DPYD: variants seen among roughly 807,000 people sequenced by gnomAD.
DPYD encodes the protein dihydropyrimidine dehydrogenase, also known as dihydropyrimidine dehydrogenase [NADP(+)].
In DPYD, 109 loss-of-function variants were observed where a neutral mutation model predicts 116.2. That is an observed-to-expected ratio of 0.94 (90% CI 0.80 to 1.10). The LOEUF (loss-of-function observed/expected upper bound fraction) is 1.10, where lower values mean the gene tolerates loss of function less well. DPYD is among the 50% of genes least tolerant of loss of function. DPYD has a pLI of 0.00. For synonymous variants in DPYD, 440 were observed against 432.0 expected, an observed-to-expected ratio of 1.02 and a Z score of -0.23; for missense variants, 1,302 against 1,254.5, an observed-to-expected ratio of 1.04 and a Z score of -0.57.
At chr1:97,449,949 C>A (rs1346102235) in intron 14 of DPYD, 110 bp downstream of exon 14, 8 of 1,410,382 alleles carry the variant, frequency 5.7e-6, no homozygotes, top group South Asian at 1.2e-5. Context: ...CTGGCAGATT[C>A]TTTAATAAAA....
At chr1:97,304,190 T>A (rs565556233) in intron 18 of DPYD, among the ~76,000 whole-genome samples, 1 of 151,938 alleles carries the variant, frequency 6.6e-6, no homozygotes, top group Admixed American at 6.6e-5. Flanking sequence ...ACAGAAAACA[T>A]AGTGCATGTT....
intron 20 of DPYD, among the ~76,000 whole-genome samples, chr1:97,174,396 G>A (rs1657102656): frequency 6.6e-6 from 1 of 152,198 alleles, no homozygotes; most frequent in African/African-American, 2.4e-5. Flanking sequence ...TCCTCAAGGA[G>A]CAGATGTGCC....
intron 20 of DPYD, among the ~76,000 whole-genome samples, chr1:97,145,351 C>A (rs573644217): frequency 4.6e-5 from 7 of 152,118 alleles, no homozygotes; most frequent in East Asian, 3.9e-4. Flanking sequence ...ACTCACTTAG[C>A]CTCATTAAGC....
intron 16 of DPYD, among the ~76,000 whole-genome samples, chr1:97,341,541 A>T (rs1259711989): frequency 6.6e-6 from 1 of 152,150 alleles, no homozygotes; most frequent in Non-Finnish European, 1.5e-5. Flanking sequence ...ACCATTAAAG[A>T]GGAACATTTT....
At position 97,721,386 on chromosome 1, in the gene DPYD, T is replaced by C. The variant is rs1662914234; in HGVS notation, c.483+124A>G. ...AAAATAAAGTTTGTTGTACAAAACA[T>C]ACTTGAGCTGTGTGTCACACTAAAA... On this transcript the variant is annotated intron_variant, in intron 5 of 22. Transcript: ENST00000370192. The C allele has an allele frequency of 8.5e-6, 10 of 1,182,490 alleles. No individual in the cohort carries two copies. In the South Asian group the frequency reaches 1.3e-4, roughly 15 times the overall value. 73.2% of individuals were successfully genotyped at this position (1,182,490 alleles called of 1,614,324 possible). A position where few individuals can be genotyped will look rare whatever the true frequency, so the allele number is the denominator to read the frequency against.
At chr1:97,128,413 A>G (rs995652131) in intron 20 of DPYD, among the ~76,000 whole-genome samples, 2 of 152,202 alleles carry the variant, frequency 1.3e-5, no homozygotes, top group African/African-American at 2.4e-5. Flanking sequence ...TTATACAAAC[A>G]AACAAGCTGA....
Position 97,756,999 on chromosome 1 carries a change from TA to T in DPYD, c.234-16521del, listed in dbSNP as rs1208864017. Reference sequence around the variant, plus strand: ...ACTACCCCCCACTCCTCCTAAATGTTATTTTTTTCTTATTCATATCCCCATA... The same window carrying T: ...ACTACCCCCCACTCCTCCTAAATGTTTTTTTTTCTTATTCATATCCCCATA... On this transcript the variant is annotated intron_variant, in intron 3 of 22. Transcript: ENST00000370192. 2.0e-5 allele frequency among the ~76,000 whole-genome samples: 3 copies of T among 152,132 alleles called. 1 individual carries two copies. The highest frequency in any genetic ancestry group is 7.2e-5 in the African/African-American group (3 of 41,438).
At chr1:97,425,529 C>T (rs1674816345) in intron 14 of DPYD, among the ~76,000 whole-genome samples, 1 of 152,032 alleles carries the variant, frequency 6.6e-6, no homozygotes, top group African/African-American at 2.4e-5. Flanking sequence ...TGTTAGTCTC[C>T]TTTACTGACC....
chr1:97,316,175 A>G (rs2101076653), intron 16 of DPYD, among the ~76,000 whole-genome samples: 1 of 151,996 alleles, frequency 6.6e-6, no homozygotes. Context: ...TACAGATGCA[A>G]TCAATGACAA....
intron 11 of DPYD, among the ~76,000 whole-genome samples, chr1:97,559,853 TG>T (rs1161830708): frequency 1.3e-5 from 2 of 152,198 alleles, no homozygotes; most frequent in Non-Finnish European, 2.9e-5. Context: ...ACTATAATAA[TG>T]GAAAACATTT....
At chr1:97,535,408 C>T (rs1271173116) in intron 12 of DPYD, among the ~76,000 whole-genome samples, 3 of 152,152 alleles carry the variant, frequency 2.0e-5, no homozygotes, top group Non-Finnish European at 4.4e-5. Flanking sequence ...CACTTCTACT[C>T]TATTTGGACC....
chr1:97,908,242 T>C (rs1240628709), intron 1 of DPYD, among the ~76,000 whole-genome samples: 7 of 151,946 alleles, frequency 4.6e-5, no homozygotes, highest in African/African-American at 1.7e-4. Flanking sequence ...GATGGGGTTT[T>C]GCCCTATTGC....
At chr1:97,543,800 G>A (rs56680001) in intron 12 of DPYD, among the ~76,000 whole-genome samples, 2 of 151,998 alleles carry the variant, frequency 1.3e-5, no homozygotes, top group Non-Finnish European at 2.9e-5. Context: ...TTATTTTGAG[G>A]GTACAGCAAT....
chr1:97,175,529 C>T (rs1197616406), intron 20 of DPYD, among the ~76,000 whole-genome samples: 2 of 152,200 alleles, frequency 1.3e-5, no homozygotes, highest in Admixed American at 6.5e-5. Flanking sequence ...TCACTATCAA[C>T]ATAGTATCAC....
chr1:97,325,835 A>G (rs757619732), intron 16 of DPYD, among the ~76,000 whole-genome samples: 12 of 151,920 alleles, frequency 7.9e-5, no homozygotes, highest in Non-Finnish European at 1.6e-4. Context: ...ATGGTATCAT[A>G]TGAAATGGGA....
intron 8 of DPYD, among the ~76,000 whole-genome samples, chr1:97,634,763 G>A (rs1003513098): frequency 6.6e-6 from 1 of 151,904 alleles, no homozygotes; most frequent in Admixed American, 6.6e-5. Context: ...GCCACAGTAG[G>A]CATACACGTT....
chr1:97,292,422 A>T (rs76196636), intron 18 of DPYD, among the ~76,000 whole-genome samples: 3 of 151,540 alleles, frequency 2.0e-5, no homozygotes, highest in African/African-American at 7.3e-5. Flanking sequence ...AAGTGGGGGA[A>T]AAGCCCCTTA....
chr1:97,713,669 T>G (rs1464532660), intron 5 of DPYD, among the ~76,000 whole-genome samples: 1 of 152,168 alleles, frequency 6.6e-6, no homozygotes, highest in Non-Finnish European at 1.5e-5. Flanking sequence ...ATGTTACTTG[T>G]ATTTGCATTC....
intron 16 of DPYD, among the ~76,000 whole-genome samples, chr1:97,346,859 T>C (rs1398653444): frequency 1.3e-5 from 2 of 151,896 alleles, no homozygotes; most frequent in Non-Finnish European, 2.9e-5. Context: ...ATAAGAATTG[T>C]TGAAAGTGGT....
Sources: allele counts gnomAD v4.1 joint callset (sites outside exome capture counted in the v4.1 genomes callset), GRCh38; gene constraint gnomAD v4.1.1; transcripts MANE v1.5; gene names NCBI Gene and HGNC (gene_info 2026-07-23, HGNC 2026-07-21).